The following CERS6 variants were observed in gnomAD, a reference collection of about 807,000 sequenced individuals.
The protein encoded by CERS6 is ceramide synthase 6.
Under a neutral mutation model 56.8 loss-of-function variants are expected in CERS6, and 26 were observed. That is an observed-to-expected ratio of 0.46 (90% confidence interval 0.34 to 0.63). CERS6 has a LOEUF of 0.63. Ranked by LOEUF, CERS6 falls within the 30% of genes least tolerant of loss-of-function variation. CERS6 has a pLI of 0.01. For missense variants in CERS6, 415 were observed against 467.5 expected, an observed-to-expected ratio of 0.89 and a Z score of 1.04; for synonymous variants, 164 against 173.3, an observed-to-expected ratio of 0.95 and a Z score of 0.42.
At chr2:168,722,866 C>A (rs1683220755) in intron 8 of CERS6, among the ~76,000 whole-genome samples, 1 of 152,204 alleles carries the variant, frequency 6.6e-6, no homozygotes, top group Admixed American at 6.5e-5. Flanking sequence ...CAAAACTGAT[C>A]TCTCCACTGT....
intron 4 of CERS6, among the ~76,000 whole-genome samples, chr2:168,635,930 T>C (rs543761721): frequency 5.4e-4 from 83 of 152,300 alleles, no homozygotes; most frequent in Non-Finnish European, 1.0e-3. Flanking sequence ...CTTTCTGAAA[T>C]GGGAACAAGA....
intron 8 of CERS6, among the ~76,000 whole-genome samples, chr2:168,747,042 A>G (rs1226848238): frequency 6.6e-6 from 1 of 151,860 alleles, no homozygotes; most frequent in African/African-American, 2.4e-5. Flanking sequence ...TAAAATGTCT[A>G]AAGGAAAATT....
At chr2:168,612,789 A>G (rs985239999) in intron 3 of CERS6, among the ~76,000 whole-genome samples, 3 of 152,210 alleles carry the variant, frequency 2.0e-5, no homozygotes, top group Admixed American at 6.5e-5. Context: ...TAAGATCTCA[A>G]ACTCCTCTTG....
At chr2:168,711,731 C>CAAAA (rs35886865) in intron 6 of CERS6, among the ~76,000 whole-genome samples, 7,552 of 97,544 alleles carry the variant, frequency 0.077, 487 homozygotes, top group East Asian at 0.14. Context: ...GAGACTGTCT[C>CAAAA]AAAAAAAAAA....
At chr2:168,723,453 C>G (rs1211234424) in intron 8 of CERS6, among the ~76,000 whole-genome samples, 3 of 152,336 alleles carry the variant, frequency 2.0e-5, no homozygotes, top group South Asian at 2.1e-4. Flanking sequence ...CTTACTCCCC[C>G]CTTTCCTATT....
At chr2:168,612,076 A>G (rs1684202370) in intron 3 of CERS6, among the ~76,000 whole-genome samples, 1 of 152,228 alleles carries the variant, frequency 6.6e-6, no homozygotes, top group African/African-American at 2.4e-5. Context: ...CCATGTGTTG[A>G]ATGCTGTTCT....
intron 3 of CERS6, among the ~76,000 whole-genome samples, chr2:168,607,707 T>C (rs1901835): frequency 0.99 from 151,369 of 152,332 alleles, 75,214 homozygotes; most frequent in East Asian, 1. Context: ...ATAGAAATGT[T>C]TTATGTTTTT....
chr2:168,749,397 C>G (rs1178309998), intron 8 of CERS6, among the ~76,000 whole-genome samples: 3 of 152,200 alleles, frequency 2.0e-5, no homozygotes, highest in Non-Finnish European at 2.9e-5. Flanking sequence ...TAGGCAGGTC[C>G]TTTTCCCCAA....
chr2:168,501,959 T>G (rs2105345490), intron 1 of CERS6, among the ~76,000 whole-genome samples: 1 of 152,294 alleles, frequency 6.6e-6, no homozygotes, highest in Admixed American at 6.5e-5. Context: ...CAAGCACATA[T>G]TTGTTTTCAT....
intron 4 of CERS6, among the ~76,000 whole-genome samples, chr2:168,689,922 G>T (rs1686455525): frequency 6.6e-6 from 1 of 152,108 alleles, no homozygotes; most frequent in Non-Finnish European, 1.5e-5. Flanking sequence ...TTGGGTTTGG[G>T]ACCAGAGAGT....
intron 4 of CERS6, among the ~76,000 whole-genome samples, chr2:168,688,577 G>A (rs1333712098): frequency 6.6e-6 from 1 of 152,106 alleles, no homozygotes. Flanking sequence ...CAGTGTTTGG[G>A]GGGTATAACT....
At chr2:168,762,338 C>G (rs1228219843) in intron 8 of CERS6, among the ~76,000 whole-genome samples, 1 of 152,148 alleles carries the variant, frequency 6.6e-6, no homozygotes, top group Non-Finnish European at 1.5e-5. Flanking sequence ...CTCTGACTCC[C>G]TGCCATGCTC....
At chr2:168,754,901 C>T (rs1684374282) in intron 8 of CERS6, among the ~76,000 whole-genome samples, 1 of 152,132 alleles carries the variant, frequency 6.6e-6, no homozygotes, top group Admixed American at 6.5e-5. Context: ...TCCGCCTCCT[C>T]AGTAGCTGGG....
At chr2:168,501,404 A>T (rs1332721097) in intron 1 of CERS6, among the ~76,000 whole-genome samples, 1 of 152,210 alleles carries the variant, frequency 6.6e-6, no homozygotes, top group Admixed American at 6.5e-5. Context: ...GGAGGTCGTG[A>T]TGCTGCAGTT....
At chr2:168,488,819 CTT>C (rs1694318763) in intron 1 of CERS6, among the ~76,000 whole-genome samples, 1 of 152,044 alleles carries the variant, frequency 6.6e-6, no homozygotes, top group Non-Finnish European at 1.5e-5. Context: ...AATGTAGACT[CTT>C]TATGATAGAG....
At chr2:168,604,067 A>G (rs980499738) in intron 3 of CERS6, among the ~76,000 whole-genome samples, 3 of 152,234 alleles carry the variant, frequency 2.0e-5, no homozygotes, top group Non-Finnish European at 4.4e-5. Context: ...ACGTGTTAGA[A>G]GGAAAAATGT....
intron 8 of CERS6, among the ~76,000 whole-genome samples, chr2:168,734,442 A>G (rs1284499510): frequency 2.0e-5 from 3 of 152,196 alleles, no homozygotes; most frequent in Non-Finnish European, 4.4e-5. Flanking sequence ...GGTATAATTT[A>G]TGCCACTATA....
At chr2:168,709,226 A>G (rs1288140703) in intron 6 of CERS6, among the ~76,000 whole-genome samples, 1 of 152,174 alleles carries the variant, frequency 6.6e-6, no homozygotes, top group African/African-American at 2.4e-5. Context: ...GTACCCAGGA[A>G]TTTCTGATGT....
At chr2:168,705,778 C>T (rs1686924352) in intron 6 of CERS6, among the ~76,000 whole-genome samples, 1 of 152,108 alleles carries the variant, frequency 6.6e-6, no homozygotes, top group South Asian at 2.1e-4. Flanking sequence ...TGGATGTTTT[C>T]AGCCCGAATG....
Sources: allele counts gnomAD v4.1 joint callset (sites outside exome capture counted in the v4.1 genomes callset), GRCh38; gene constraint gnomAD v4.1.1; transcripts MANE v1.5; gene names NCBI Gene and HGNC (gene_info 2026-07-23, HGNC 2026-07-21).